The following CAMTA1 variants were observed in gnomAD, a reference collection of about 807,000 sequenced individuals.
CAMTA1 encodes the protein calmodulin binding transcription activator 1.
Under a neutral mutation model 170.9 loss-of-function variants are expected in CAMTA1, and 27 were observed. The ratio of observed to expected loss-of-function variants is 0.16; its 90% confidence interval spans 0.12 to 0.22. The LOEUF is 0.22. CAMTA1 is among the 10% of genes least tolerant of loss of function. The pLI is 1.00. For synonymous variants in CAMTA1, 833 were observed against 891.5 expected, an observed-to-expected ratio of 0.93 and a Z score of 1.17; for missense variants, 1,619 against 2,217.2, an observed-to-expected ratio of 0.73 and a Z score of 5.42.
chr1:7,190,660 A>C (rs1318352895), intron 4 of CAMTA1, among the ~76,000 whole-genome samples: 1 of 152,162 alleles, frequency 6.6e-6, no homozygotes. Flanking sequence ...TTTGTAATTT[A>C]AAAAAATAGA....
At chr1:6,940,008 C>T (rs1024211134) in intron 3 of CAMTA1, among the ~76,000 whole-genome samples, 6 of 152,262 alleles carry the variant, frequency 3.9e-5, no homozygotes, top group Non-Finnish European at 5.9e-5. Flanking sequence ...GACAGCTCTA[C>T]GTGGCCACAT....
At chr1:7,083,758 G>A (rs551675901) in intron 3 of CAMTA1, among the ~76,000 whole-genome samples, 10 of 152,290 alleles carry the variant, frequency 6.6e-5, no homozygotes, top group African/African-American at 2.4e-4. Context: ...TTGGTTAGAA[G>A]TCATTAATAT....
intron 5 of CAMTA1, among the ~76,000 whole-genome samples, chr1:7,301,497 G>C (rs560667232): frequency 6.6e-6 from 1 of 152,270 alleles, no homozygotes; most frequent in South Asian, 2.1e-4. Context: ...CGTGGGGCCC[G>C]GGGAGGATCC....
chr1:7,273,802 A>C (rs1003225188), intron 5 of CAMTA1, among the ~76,000 whole-genome samples: 5 of 152,226 alleles, frequency 3.3e-5, no homozygotes, highest in Admixed American at 3.3e-4. Context: ...ATAACATTAT[A>C]TAGAAGCAAA....
chr1:6,805,535 T>TC (rs1644412498), intron 1 of CAMTA1, among the ~76,000 whole-genome samples: 1 of 152,218 alleles, frequency 6.6e-6, no homozygotes, highest in Admixed American at 6.5e-5. Context: ...AGAGAGGGTC[T>TC]CATTCTGTCA....
intron 6 of CAMTA1, among the ~76,000 whole-genome samples, chr1:7,595,746 G>A (rs139467347): frequency 4.4e-4 from 67 of 152,356 alleles, no homozygotes; most frequent in Admixed American, 1.8e-3. Flanking sequence ...ATGAGGAAAT[G>A]CAAAAGGCTT....
rs2095251345 is a variant in CAMTA1, at chr1:7,580,553, G to A, written c.511-59847G>A. On this transcript the variant is annotated intron_variant, in intron 6 of 22. Coordinates refer to ENST00000303635, the MANE Select transcript of CAMTA1 (RefSeq NM_015215.4). This position sits in a 1 kb window ranked among gnomAD's most constrained non-coding sequence, Gnocchi z 4.3. ...GAGCCAGGTGGCAGACAGGACACCC[G>A]CACATGGAGGAACCACTAACAAGTG... 6.6e-6 allele frequency among the ~76,000 whole-genome samples: 1 copy of A among 152,058 alleles called. No homozygotes were observed.
chr1:7,420,355 T>A (rs1033889846), intron 5 of CAMTA1, among the ~76,000 whole-genome samples: 1 of 152,144 alleles, frequency 6.6e-6, no homozygotes, highest in African/African-American at 2.4e-5. Flanking sequence ...TCTCCATTGC[T>A]TTTCTTACCA....
In CAMTA1 at chr1:7,269,215, G is replaced by A. The variant is rs74506554; in HGVS notation, c.438+19589G>A. Among the ~76,000 whole-genome samples, 1,398 of 152,304 alleles carry A rather than the reference G, an allele frequency of 9.2e-3. 24 individuals carry two copies. Among genetic ancestry groups the A allele is most frequent in the African/African-American group, 0.032 (1,328 of 41,548 alleles). On this transcript the variant is annotated intron_variant, in intron 5 of 22. Coordinates refer to ENST00000303635, the MANE Select transcript of CAMTA1 (RefSeq NM_015215.4). Reference sequence around the variant, plus strand: ...CTGAAGGCTTGACTGAGGAGGACCTGCTGCTAAGCATTCTTGATTGTTTTA... The same window carrying A: ...CTGAAGGCTTGACTGAGGAGGACCTACTGCTAAGCATTCTTGATTGTTTTA...
chr1:7,683,183 A>C (rs891071484), intron 11 of CAMTA1, among the ~76,000 whole-genome samples: 1 of 107,132 alleles, frequency 9.3e-6, no homozygotes, highest in Non-Finnish European at 2.4e-5. Context: ...CTCTGTCTCA[A>C]AAAAAAAAAA....
chr1:7,257,487 T>C (rs1667588730), intron 5 of CAMTA1, among the ~76,000 whole-genome samples: 1 of 152,184 alleles, frequency 6.6e-6, no homozygotes, highest in Non-Finnish European at 1.5e-5. Context: ...TAACAAGTTG[T>C]TTATCTCCTC....
chr1:7,139,229 AAT>A (rs1213619152), intron 4 of CAMTA1, among the ~76,000 whole-genome samples: 1 of 142,190 alleles, frequency 7.0e-6, no homozygotes, highest in African/African-American at 2.5e-5. Context: ...TCATAATATA[AAT>A]ATATATTTAT....
chr1:7,343,187 T>C, intron 5 of CAMTA1, among the ~76,000 whole-genome samples: 1 of 152,180 alleles, frequency 6.6e-6, no homozygotes, highest in African/African-American at 2.4e-5. Context: ...CCGTGTTAAG[T>C]GGTAGGCACA....
chr1:7,262,617 C>T lies in CAMTA1; in HGVS notation c.438+12991C>T, dbSNP rs145002628. The stretch of plus-strand genomic sequence containing the variant: ...CTAAAAGGTGGGCAGAACGAGGCTG[C>T]CTTGATCATTGCTTTACAGCTGGTG... On this transcript the variant is annotated intron_variant, in intron 5 of 22. Transcript: ENST00000303635. Among the ~76,000 whole-genome samples, 611 of 152,278 alleles carry T rather than the reference C, an allele frequency of 4.0e-3. 5 individuals are homozygous for T. Among genetic ancestry groups the T allele is most frequent in the Non-Finnish European group, 7.4e-3 (500 of 68,014 alleles).
rs150819635 is a variant in CAMTA1 at position 7,254,378 on chromosome 1, G to C, written c.438+4752G>C. Among the ~76,000 whole-genome samples the C allele has an allele frequency of 5.0e-3, 760 of 152,320 alleles. 14 individuals carry two copies. Among genetic ancestry groups the C allele is most frequent in the Admixed American group, 0.039 (589 of 15,288 alleles). ...CTGTCACATGCACAGAGACAGCCCT[G>C]TCCACTGAGCCTGTTCTGTGGCAGA... On this transcript the variant is annotated intron_variant, in intron 5 of 22. Coordinates refer to ENST00000303635, the MANE Select transcript of CAMTA1 (RefSeq NM_015215.4).
chr1:7,735,464 A>G (rs1039082638), intron 12 of CAMTA1, among the ~76,000 whole-genome samples: 5 of 151,938 alleles, frequency 3.3e-5, no homozygotes, highest in African/African-American at 4.8e-5. Flanking sequence ...AAAAAAGAAA[A>G]AAGAAGAAGA....
chr1:6,902,902 C>T (rs1218510852), intron 3 of CAMTA1, among the ~76,000 whole-genome samples: 1 of 152,154 alleles, frequency 6.6e-6, no homozygotes, highest in African/African-American at 2.4e-5. Flanking sequence ...ACTTGATTGG[C>T]AGGTTTTCTT....
intron 3 of CAMTA1, among the ~76,000 whole-genome samples, chr1:6,982,567 A>T (rs1694615260): frequency 6.6e-6 from 1 of 152,124 alleles, no homozygotes; most frequent in South Asian, 2.1e-4. Context: ...CACCCTCGGG[A>T]GGCCCTTAGC....
chr1:7,704,463 G>T (rs936613651), intron 11 of CAMTA1, among the ~76,000 whole-genome samples: 1 of 146,126 alleles, frequency 6.8e-6, no homozygotes, highest in South Asian at 2.1e-4. Flanking sequence ...GGGACCGGGG[G>T]CCCGGCTCTC....
Sources: gnomAD v4.1 joint callset for allele counts (sites outside exome capture counted in the v4.1 genomes callset) on GRCh38, gnomAD v4.1.1 for gene constraint, Gnocchi (gnomAD v3.1) non-coding constraint, MANE v1.5 for transcripts, NCBI Gene and HGNC (gene_info 2026-07-23, HGNC 2026-07-21) for gene names.